The following ABI2 variants were observed in gnomAD, a reference collection of about 807,000 sequenced individuals.
The protein encoded by ABI2 is abelson interactor 2.
ABI2 carries 25 observed loss-of-function variants against 59.2 expected under a neutral mutation model. The observed-to-expected ratio is 0.42, with a 90% CI of 0.31 to 0.59. The LOEUF (loss-of-function observed/expected upper bound fraction) is 0.59. ABI2 is among the 20% of genes least tolerant of loss of function. The pLI, the probability that ABI2 is intolerant of heterozygous loss-of-function variation, is 0.14. For synonymous variants in ABI2, 213 were observed against 235.5 expected (o/e 0.90, Z 0.87); for missense variants, 545 against 681.8 (o/e 0.80, Z 2.23).
At chr2:203,356,570 A>G (rs1282300835) in intron 1 of ABI2, among the ~76,000 whole-genome samples, 1 of 151,892 alleles carries the variant, frequency 6.6e-6, no homozygotes, top group Non-Finnish European at 1.5e-5. Context: ...GAATCTCACC[A>G]TGTTACCCAG....
rs1235652409 is a variant in ABI2 at position 203,416,948 on chromosome 2, A to C, written c.1320A>C (p.Pro440=). 1.9e-6 allele frequency: 3 copies of C among 1,613,706 alleles called. No individual in the cohort carries two copies. The Admixed American group carries it at 5.0e-5, about 27-fold the overall frequency. ...CTCCACCGCCACCTGTGGAAGAACC[A>C]GTCTTTGATGAGTCTCCCCCACCTC... ...TPPPPPPVEE[P]VFDESPPPPP... The change falls in exon 11 of 12, where the codon CCA becomes CCC. Residue 440 remains proline, a synonymous_variant. Transcript: ENST00000261018.
intron 4 of ABI2, among the ~76,000 whole-genome samples, chr2:203,385,402 A>T (rs2096458789): frequency 1.3e-5 from 2 of 152,072 alleles, no homozygotes; most frequent in Admixed American, 1.3e-4. Context: ...AAGTGCTGGG[A>T]TTACAGGCGT....
At chr2:203,414,131 T>C (rs2097789339) in intron 10 of ABI2, among the ~76,000 whole-genome samples, 2 of 145,052 alleles carry the variant, frequency 1.4e-5, no homozygotes, top group Admixed American at 1.4e-4. Flanking sequence ...GGAGACAGTC[T>C]CACTCTGTCA....
chr2:203,377,807 C>T (rs907770167), intron 2 of ABI2, among the ~76,000 whole-genome samples: 6 of 152,136 alleles, frequency 3.9e-5, no homozygotes, highest in Admixed American at 1.3e-4. Flanking sequence ...TTAGGAAGCT[C>T]AGGCGGGAGA....
chr2:203,386,008 A>G (rs1255536616), intron 4 of ABI2, among the ~76,000 whole-genome samples: 2 of 152,082 alleles, frequency 1.3e-5, no homozygotes, highest in African/African-American at 2.4e-5. Flanking sequence ...TTATACTCTA[A>G]TTCCTGGTTT....
intron 1 of ABI2, among the ~76,000 whole-genome samples, chr2:203,344,730 C>T (rs2082128848): frequency 6.6e-6 from 1 of 152,062 alleles, no homozygotes; most frequent in African/African-American, 2.4e-5. Context: ...TGCTCTGTGT[C>T]TAGCTAAAGG....
chr2:203,338,481 G>A (rs549737627), intron 1 of ABI2, among the ~76,000 whole-genome samples: 1 of 152,004 alleles, frequency 6.6e-6, no homozygotes, highest in African/African-American at 2.4e-5. Context: ...CGTGAGAACT[G>A]GTTGTTTAAA....
At chr2:203,405,730 A>T (rs1342627138) in intron 9 of ABI2, among the ~76,000 whole-genome samples, 1 of 151,964 alleles carries the variant, frequency 6.6e-6, no homozygotes, top group Non-Finnish European at 1.5e-5. Context: ...GGGTAATTGG[A>T]GTCTTGCTGT....
intron 1 of ABI2, among the ~76,000 whole-genome samples, chr2:203,351,093 A>G (rs765781807): frequency 5.3e-5 from 8 of 152,100 alleles, no homozygotes; most frequent in Non-Finnish European, 1.0e-4. Flanking sequence ...ACCCAACACC[A>G]TTTGTTTAAA....
chr2:203,403,899 C>G (rs899684529), intron 9 of ABI2, among the ~76,000 whole-genome samples: 1 of 151,350 alleles, frequency 6.6e-6, no homozygotes, highest in African/African-American at 2.4e-5. Flanking sequence ...TTACAGGCAC[C>G]CACGACCACA....
At chr2:203,350,371 C>T (rs1202009167) in intron 1 of ABI2, among the ~76,000 whole-genome samples, 1 of 152,004 alleles carries the variant, frequency 6.6e-6, no homozygotes, top group East Asian at 1.9e-4. Flanking sequence ...TTTTAAGAGA[C>T]AGGGTCAGTC....
intron 10 of ABI2, among the ~76,000 whole-genome samples, chr2:203,415,882 A>G (rs1030136142): frequency 2.0e-5 from 3 of 152,190 alleles, no homozygotes; most frequent in Admixed American, 6.5e-5. Flanking sequence ...TGATGTTACT[A>G]TATATTGGTA....
intron 8 of ABI2, among the ~76,000 whole-genome samples, chr2:203,399,105 G>C (rs745421724): frequency 6.6e-6 from 1 of 152,134 alleles, no homozygotes; most frequent in South Asian, 2.1e-4. Context: ...AATTTTTAAC[G>C]TCATAAGAAA....
intron 5 of ABI2, 43 bp from the exon 6 acceptor site, chr2:203,394,652 TGCCGA>T (rs1158262480): frequency 1.3e-6 from 2 of 1,564,670 alleles, no homozygotes; most frequent in African/African-American, 2.7e-5. Flanking sequence ...GAATTTATTG[TGCCGA>T]AACTTGCTTA....
chr2:203,390,306 A>G (rs1021963958), intron 4 of ABI2, among the ~76,000 whole-genome samples: 3 of 152,182 alleles, frequency 2.0e-5, no homozygotes, highest in Non-Finnish European at 4.4e-5. Flanking sequence ...TATTTGGGAA[A>G]TGTATTTTGC....
chr2:203,348,197 C>T (rs892151793), intron 1 of ABI2, among the ~76,000 whole-genome samples: 1 of 152,114 alleles, frequency 6.6e-6, no homozygotes, highest in Non-Finnish European at 1.5e-5. Context: ...GCAGAGATCG[C>T]GCCACTGCAC....
chr2:203,359,663 C>T (rs545127253), intron 1 of ABI2, among the ~76,000 whole-genome samples: 2 of 152,074 alleles, frequency 1.3e-5, no homozygotes, highest in Non-Finnish European at 2.9e-5. Flanking sequence ...CTGTTGATGA[C>T]CTGTTCCTCA....
intron 9 of ABI2, among the ~76,000 whole-genome samples, chr2:203,409,973 G>GT (rs1385812051): frequency 3.9e-5 from 6 of 152,068 alleles, no homozygotes; most frequent in Non-Finnish European, 7.4e-5. Context: ...ATATTTCTGG[G>GT]TTTTTTACTT....
At chr2:203,395,007 C>T in intron 6 of ABI2, 161 bp downstream of exon 6, 1 of 826,518 alleles carries the variant, frequency 1.2e-6, no homozygotes, top group Non-Finnish European at 2.0e-6. Flanking sequence ...TGTTCTGATT[C>T]AACTTTGAGC....
Sources: allele counts gnomAD v4.1 joint callset (sites outside exome capture counted in the v4.1 genomes callset), GRCh38; gene constraint gnomAD v4.1.1; transcripts MANE v1.5; gene names NCBI Gene and HGNC (gene_info 2026-07-23, HGNC 2026-07-21).